The following RBFOX1 variants were observed in gnomAD, a reference collection of about 807,000 sequenced individuals.
The protein encoded by RBFOX1 is RNA binding fox-1 homolog 1.
Under a neutral mutation model 57.7 loss-of-function variants are expected in RBFOX1, and 8 were observed. The ratio of observed to expected loss-of-function variants is 0.14; its 90% CI spans 0.08 to 0.25. The LOEUF (loss-of-function observed/expected upper bound fraction) is 0.25. Among genes scored for constraint, RBFOX1 ranks in the 10% least tolerant of loss-of-function variants. The pLI, the probability that RBFOX1 is intolerant of heterozygous loss-of-function variation, is 1.00. For missense variants in RBFOX1, 611 were observed against 548.5 expected, an observed-to-expected ratio of 1.11 and a Z score of -1.14; for synonymous variants, 326 against 222.4, an observed-to-expected ratio of 1.47 and a Z score of -4.15.
At chr16:7,706,691 C>T (rs1328582033) in intron 14 of RBFOX1, among the ~76,000 whole-genome samples, 1 of 152,160 alleles carries the variant, frequency 6.6e-6, no homozygotes, top group Non-Finnish European at 1.5e-5. Flanking sequence ...CACTTCATAT[C>T]CTATTTATGA....
intron 2 of RBFOX1, among the ~76,000 whole-genome samples, chr16:6,542,124 C>A (rs1214921088): frequency 1.3e-5 from 2 of 151,982 alleles, no homozygotes; most frequent in Admixed American, 6.6e-5. Flanking sequence ...CAGGCTATTG[C>A]TATGTTGCCC....
chr16:7,387,382 C>CT (rs2097902306), intron 4 of RBFOX1, among the ~76,000 whole-genome samples: 1 of 152,164 alleles, frequency 6.6e-6, no homozygotes, highest in Non-Finnish European at 1.5e-5. Context: ...TGTGGATTCT[C>CT]TAAGTCCAGA....
intron 10 of RBFOX1, among the ~76,000 whole-genome samples, 188 bp from the exon 11 acceptor site, chr16:7,630,415 G>T (rs935862726): frequency 6.6e-6 from 1 of 151,992 alleles, no homozygotes; most frequent in African/African-American, 2.4e-5. Flanking sequence ...GCCGGGTTGT[G>T]GTGGGTGGGG....
At chr16:7,582,746 T>C (rs1285873806) in intron 6 of RBFOX1, among the ~76,000 whole-genome samples, 1 of 152,232 alleles carries the variant, frequency 6.6e-6, no homozygotes, top group African/African-American at 2.4e-5. Flanking sequence ...TGTCTTTGTC[T>C]TCCCACTTTG....
chr16:6,267,067 T>A (rs2074599927), intron 1 of RBFOX1, among the ~76,000 whole-genome samples: 1 of 152,090 alleles, frequency 6.6e-6, no homozygotes, highest in Non-Finnish European at 1.5e-5. Context: ...TCCACCTCTA[T>A]GGAAACATGG....
At chr16:5,739,615 C>T (rs1036553209) in intron 3 of RBFOX1, among the ~76,000 whole-genome samples, 10 of 152,302 alleles carry the variant, frequency 6.6e-5, no homozygotes, top group South Asian at 6.2e-4. Context: ...AGGTATTTTG[C>T]AGCAGACAGA....
chr16:7,636,526 G>A (rs11639601), intron 11 of RBFOX1, among the ~76,000 whole-genome samples: 1 of 152,040 alleles, frequency 6.6e-6, no homozygotes, highest in African/African-American at 2.4e-5. Context: ...ATGTTGCTCA[G>A]ATTCCACCAT....
chr16:5,464,092 G>T (rs1032302752), intron 1 of RBFOX1, among the ~76,000 whole-genome samples: 3 of 152,214 alleles, frequency 2.0e-5, no homozygotes, highest in Non-Finnish European at 4.4e-5. Flanking sequence ...AATGGGCTGG[G>T]AGAACGGGGA....
At chr16:7,323,006 C>G (rs972927004) in intron 4 of RBFOX1, among the ~76,000 whole-genome samples, 3 of 152,000 alleles carry the variant, frequency 2.0e-5, no homozygotes, top group African/African-American at 4.8e-5. Flanking sequence ...CCATCAAAGT[C>G]TTCTCCTCCT....
chr16:6,950,709 G>A (rs2080544490), intron 3 of RBFOX1, among the ~76,000 whole-genome samples: 1 of 152,130 alleles, frequency 6.6e-6, no homozygotes. Context: ...GAGTTGCTTA[G>A]GAGAACAATG....
intron 3 of RBFOX1, among the ~76,000 whole-genome samples, chr16:6,865,208 G>T (rs1266990254): frequency 6.6e-6 from 1 of 151,762 alleles, no homozygotes; most frequent in African/African-American, 2.4e-5. Context: ...TTGCCATGTT[G>T]GCCAGGCTGG....
chr16:7,631,496 C>T (rs2060954594), intron 11 of RBFOX1, among the ~76,000 whole-genome samples: 2 of 152,190 alleles, frequency 1.3e-5, no homozygotes, highest in Non-Finnish European at 2.9e-5. Flanking sequence ...AGGGTATACC[C>T]CTTCTTAAAG....
intron 3 of RBFOX1, among the ~76,000 whole-genome samples, chr16:5,732,990 C>T (rs540242220): frequency 8.5e-5 from 13 of 152,168 alleles, no homozygotes; most frequent in South Asian, 6.2e-4. Flanking sequence ...GTTTTTATTG[C>T]GATGGTGACT....
chr16:7,154,208 G>C (rs907326320), intron 4 of RBFOX1, among the ~76,000 whole-genome samples: 2 of 152,170 alleles, frequency 1.3e-5, no homozygotes, highest in Non-Finnish European at 2.9e-5. Flanking sequence ...GAAATAACCA[G>C]GATCATGTTA....
intron 3 of RBFOX1, among the ~76,000 whole-genome samples, chr16:6,903,600 A>G (rs1159352784): frequency 6.6e-6 from 1 of 152,096 alleles, no homozygotes; most frequent in Non-Finnish European, 1.5e-5. Flanking sequence ...ACTGGTGGGG[A>G]GGTTTCAGTC....
chr16:7,448,832 C>G (rs1024065956), intron 4 of RBFOX1, among the ~76,000 whole-genome samples: 1 of 151,758 alleles, frequency 6.6e-6, no homozygotes, highest in Admixed American at 6.6e-5. Context: ...GATTTAGGGC[C>G]CACTTTAATC....
chr16:5,469,703 C>T (rs575476206), intron 2 of RBFOX1, among the ~76,000 whole-genome samples: 1 of 152,274 alleles, frequency 6.6e-6, no homozygotes, highest in East Asian at 1.9e-4. Flanking sequence ...TGCTAGTCTG[C>T]ATCCTGCCCC....
rs746345120 is a variant in RBFOX1, at chr16:6,420,463, GGATGAACAAAGAAAATGTAGTC to G, written c.-64+103407_-64+103428del. ...TAAAGAATTGGTGTTTCTGAATCAA[GGATGAACAAAGAAAATGTAGTC>G]TTTTGAAGAGATGTTAAGCCAGATA... On this transcript the variant is annotated intron_variant, in intron 2 of 15. Transcript: ENST00000550418. 7.6e-4 allele frequency among the ~76,000 whole-genome samples: 116 copies of G among 152,154 alleles called. No individual in the cohort carries two copies. In the Middle Eastern group the frequency reaches 0.014, roughly 18 times the overall value.
chr16:5,599,119 G>T (rs1186732000), exon 3 of RBFOX1: 4 of 749,916 alleles, frequency 5.3e-6, no homozygotes, highest in Non-Finnish European at 9.0e-6. Context: ...AAATTTTCCA[G>T]AGCACTTGCA....
Sources: allele counts gnomAD v4.1 joint callset (sites outside exome capture counted in the v4.1 genomes callset), GRCh38; gene constraint gnomAD v4.1.1; transcripts MANE v1.5; gene names NCBI Gene and HGNC (gene_info 2026-07-23, HGNC 2026-07-21).